The following SNTB1 variants were observed in gnomAD, a reference collection of about 807,000 sequenced individuals.
SNTB1 encodes syntrophin beta 1, also known as beta-1-syntrophin.
SNTB1 carries 36 observed loss-of-function variants against 48.9 expected under a neutral mutation model. That is an observed-to-expected ratio of 0.74 (90% CI 0.56 to 0.97). The LOEUF (loss-of-function observed/expected upper bound fraction) is 0.97, where lower values mean the gene tolerates loss of function less well. SNTB1 is among the 50% of genes least tolerant of loss of function. SNTB1 has a pLI of 0.00. For synonymous variants in SNTB1, 299 were observed against 294.6 expected (o/e 1.01, Z -0.15); for missense variants, 786 against 703.4 (o/e 1.12, Z -1.33).
chr8:120,811,090 A>T (rs1820418474), intron 1 of SNTB1, among the ~76,000 whole-genome samples, 183 bp downstream of exon 1: 1 of 151,966 alleles, frequency 6.6e-6, no homozygotes, highest in Non-Finnish European at 1.5e-5. Flanking sequence ...GGGTGGGTAA[A>T]AGTTGACAAA....
At chr8:120,670,661 TG>T (rs1817744079) in intron 2 of SNTB1, among the ~76,000 whole-genome samples, 1 of 152,206 alleles carries the variant, frequency 6.6e-6, no homozygotes, top group African/African-American at 2.4e-5. Flanking sequence ...AAAACTCTCC[TG>T]GGGGAACCTA....
rs1192033551 is a variant in SNTB1 at position 120,538,621 on chromosome 8, C to G, written c.*256G>C. The G allele has an allele frequency of 1.8e-6, 1 of 552,408 alleles. No homozygotes were observed. The allele number at this position is 552,408 out of a possible 1,614,324, so 34.2% of individuals were successfully genotyped here. On this transcript the variant is annotated 3_prime_UTR_variant, in exon 7 of 7. Transcript: ENST00000517992. ...TTTCAAAGCTATGCTGTGTATTTCC[C>G]GTCACCTCACCTCTTTAACCTTGTA...
rs572026695 is a variant in SNTB1, at chr8:120,790,704, A to T, written c.571+20569T>A. Among the ~76,000 whole-genome samples the T allele has an allele frequency of 3.3e-5, 5 of 152,154 alleles. No homozygotes were observed. In the South Asian group the frequency reaches 1.0e-3, roughly 32 times the overall value. On this transcript the variant is annotated intron_variant, in intron 1 of 6. Coordinates refer to ENST00000517992, the MANE Select transcript of SNTB1 (RefSeq NM_021021.4). ...ACCAAGGAGGCAAAAGATGTCTACC[A>T]GGAGAACTACAAAACACTACAGAAA...
intron 1 of SNTB1, among the ~76,000 whole-genome samples, chr8:120,782,951 T>A (rs1819854344): frequency 6.6e-6 from 1 of 152,220 alleles, no homozygotes; most frequent in Admixed American, 6.5e-5. Flanking sequence ...GTCTTTATAC[T>A]AAGAATATAT....
At position 120,658,962 on chromosome 8, in the gene SNTB1, C is replaced by CT. The variant is rs1157017590; in HGVS notation, c.789-26312dup. 3.5e-3 allele frequency among the ~76,000 whole-genome samples: 514 copies of CT among 145,618 alleles called. 3 individuals are homozygous for CT. Among genetic ancestry groups the CT allele is most frequent in the Non-Finnish European group, 4.6e-3 (303 of 65,836 alleles). On this transcript the variant is annotated intron_variant, in intron 2 of 6. Transcript: ENST00000517992. ...TTATCAACAAAGTTTATGTGATATT[C>CT]TTTTTTTTTTTCTTTTCCTGAGACA... is the stretch of plus-strand genomic sequence containing the variant.
At chr8:120,543,449 C>G (rs1406983559) in intron 5 of SNTB1, among the ~76,000 whole-genome samples, 1 of 152,190 alleles carries the variant, frequency 6.6e-6, no homozygotes, top group Non-Finnish European at 1.5e-5. Flanking sequence ...AAACCACACA[C>G]TTCTGAAGCT....
intron 1 of SNTB1, among the ~76,000 whole-genome samples, chr8:120,722,792 G>T (rs1818686116): frequency 6.6e-6 from 1 of 152,208 alleles, no homozygotes; most frequent in East Asian, 1.9e-4. Context: ...ATTGCTTTTG[G>T]TGTTTTAGAC....
chr8:120,620,757 G>C (rs1343552045), intron 3 of SNTB1, among the ~76,000 whole-genome samples: 1 of 148,734 alleles, frequency 6.7e-6, no homozygotes, highest in East Asian at 2.0e-4. Context: ...ACACAAAAGT[G>C]AATGTCTGCC....
chr8:120,799,833 A>C (rs891597579), intron 1 of SNTB1, among the ~76,000 whole-genome samples: 6 of 152,146 alleles, frequency 3.9e-5, no homozygotes, highest in African/African-American at 1.2e-4. Context: ...AATGAGGCCC[A>C]AACAACAGTA....
intron 2 of SNTB1, among the ~76,000 whole-genome samples, chr8:120,688,401 T>G (rs1818068905): frequency 1.3e-5 from 2 of 152,170 alleles, no homozygotes; most frequent in Admixed American, 6.5e-5. Flanking sequence ...GAGAAGAATA[T>G]GAAAAGCGAG....
At chr8:120,561,349 GAAA>G (rs1214008996) in intron 4 of SNTB1, among the ~76,000 whole-genome samples, 5 of 90,028 alleles carry the variant, frequency 5.6e-5, no homozygotes, top group Non-Finnish European at 7.4e-5. Flanking sequence ...AAGAAAAAAA[GAAA>G]AAAAAGAAAC....
chr8:120,762,877 T>A (rs555733228), intron 1 of SNTB1, among the ~76,000 whole-genome samples: 12 of 152,262 alleles, frequency 7.9e-5, no homozygotes, highest in Middle Eastern at 3.4e-3. Context: ...ATAACTAATA[T>A]TTATCGAAAA....
chr8:120,632,627 A>G lies in SNTB1; in HGVS notation c.813T>C (p.Asp271=), dbSNP rs1370057448. 1 of 1,614,136 alleles carries G rather than the reference A, an allele frequency of 6.2e-7. No individual in the cohort carries two copies. The highest frequency in any genetic ancestry group is 8.5e-7 in the Non-Finnish European group (1 of 1,180,022). Reference sequence around the variant, plus strand: ...TCCTTAGGATCACCGTGTGCTTAGCATCTGGAGAGTGGATTTCAAGCTGCC... The same window carrying G: ...TCCTTAGGATCACCGTGTGCTTAGCGTCTGGAGAGTGGATTTCAAGCTGCC... ...ENRQLEIHSP[D]AKHTVILRSK... is the part of the protein sequence containing the mutation. The change falls in exon 3 of 7, where the codon GAT becomes GAC. Residue 271 remains aspartate, a synonymous_variant. Transcript: ENST00000517992.
chr8:120,600,257 G>A (rs1458459785), intron 3 of SNTB1, among the ~76,000 whole-genome samples: 1 of 152,216 alleles, frequency 6.6e-6, no homozygotes, highest in African/African-American at 2.4e-5. Flanking sequence ...CATGCACTTG[G>A]AACACTGCGC....
intron 1 of SNTB1, among the ~76,000 whole-genome samples, chr8:120,733,075 T>G (rs529486570): frequency 9.6e-4 from 147 of 152,368 alleles, no homozygotes; most frequent in African/African-American, 3.3e-3. Flanking sequence ...TAGAGGAAAC[T>G]AATTTCATTC....
chr8:120,637,854 T>TA (rs1817109129), intron 2 of SNTB1: 4 of 242,548 alleles, frequency 1.6e-5, no homozygotes, highest in Admixed American at 4.4e-5. Flanking sequence ...CATCTTCTAA[T>TA]ACTCTTATTT....
At position 120,584,438 on chromosome 8, in the gene SNTB1, C is replaced by CAAAAAAAAAAAAA. The variant is rs11443743; in HGVS notation, c.997-9226_997-9214dup. 5.3e-5 allele frequency among the ~76,000 whole-genome samples: 3 copies of CAAAAAAAAAAAAA among 57,070 alleles called. 1 individual carries two copies. Among genetic ancestry groups the CAAAAAAAAAAAAA allele is most frequent in the African/African-American group, 2.4e-4 (3 of 12,272 alleles). The allele number at this position is 57,070 out of a possible 152,430, so 37.4% of individuals were successfully genotyped here. A position where few individuals can be genotyped will look rare whatever the true frequency, so the allele number is the denominator to read the frequency against. ...TGGGTGACAGAGCGAAACTCCATCTCAAAAAAAAAAAAAAAAAAAAAAAGT... is the reference window on the plus strand; with the variant it reads ...TGGGTGACAGAGCGAAACTCCATCTCAAAAAAAAAAAAAAAAAAAAAAAAAAAAAAAAAAAAGT... On this transcript the variant is annotated intron_variant, in intron 3 of 6. Coordinates refer to ENST00000517992, the MANE Select transcript of SNTB1 (RefSeq NM_021021.4).
rs1181078361 is a variant in SNTB1 at position 120,538,446 on chromosome 8, T to C, written c.*431A>G. On this transcript the variant is annotated 3_prime_UTR_variant, in exon 7 of 7. Transcript: ENST00000517992. ...TCACAATAAGAAAAGGGATCACTGT[T>C]ACTGGGGATAGGGGGCTAGGAGGAG... The C allele has an allele frequency of 4.3e-6, 1 of 232,256 alleles. No individual in the cohort carries two copies. Among genetic ancestry groups the C allele is most frequent in the Non-Finnish European group, 9.2e-6 (1 of 108,442 alleles). 14.4% of individuals were successfully genotyped at this position (232,256 alleles called of 1,614,324 possible).
intron 2 of SNTB1, among the ~76,000 whole-genome samples, chr8:120,656,543 T>A (rs1817506350): frequency 1.3e-5 from 2 of 152,196 alleles, no homozygotes; most frequent in Non-Finnish European, 2.9e-5. Flanking sequence ...TTTATCTTGC[T>A]CAGCTGATTT....
Sources: gnomAD v4.1 joint callset for allele counts (sites outside exome capture counted in the v4.1 genomes callset) on GRCh38, gnomAD v4.1.1 for gene constraint, MANE v1.5 for transcripts, NCBI Gene and HGNC (gene_info 2026-07-23, HGNC 2026-07-21) for gene names.